The following PRKCB variants were observed in gnomAD, a reference collection of about 807,000 sequenced individuals.
The protein encoded by PRKCB is protein kinase C beta type.
In PRKCB, 13 loss-of-function variants were observed where a neutral mutation model predicts 81.5. That is an observed-to-expected ratio of 0.16 (90% CI 0.10 to 0.25). The LOEUF is 0.25. Ranked by LOEUF, PRKCB falls within the 10% of genes least tolerant of loss-of-function variation. PRKCB has a pLI of 1.00. For synonymous variants in PRKCB, 335 were observed against 321.4 expected, an observed-to-expected ratio of 1.04 and a Z score of -0.45; for missense variants, 509 against 875.7, an observed-to-expected ratio of 0.58 and a Z score of 5.29.
At chr16:24,177,923 C>G (rs149184562) in intron 12 of PRKCB, among the ~76,000 whole-genome samples, 143 of 152,074 alleles carry the variant, frequency 9.4e-4, no homozygotes, top group African/African-American at 3.4e-3. Flanking sequence ...TTGTTGCTCA[C>G]CATCGAGAAC....
At chr16:24,039,286 T>C (rs1486389877) in intron 5 of PRKCB, among the ~76,000 whole-genome samples, 40 of 152,228 alleles carry the variant, frequency 2.6e-4, no homozygotes, top group Admixed American at 2.5e-3. Flanking sequence ...TGGAGTGCAG[T>C]GGCATGATCT....
chr16:24,090,719 T>A (rs1966366010), intron 5 of PRKCB, among the ~76,000 whole-genome samples: 1 of 152,142 alleles, frequency 6.6e-6, no homozygotes, highest in South Asian at 2.1e-4. Context: ...ACTAATGAAT[T>A]GGAAAAATAG....
At chr16:24,191,873 A>G (rs1967798691) in intron 16 of PRKCB, among the ~76,000 whole-genome samples, 1 of 152,230 alleles carries the variant, frequency 6.6e-6, no homozygotes, top group Admixed American at 6.5e-5. Context: ...CCATGTACCA[A>G]CAGGAAGGTT....
chr16:24,198,217 T>G (rs1442750025), intron 16 of PRKCB, among the ~76,000 whole-genome samples: 2 of 152,222 alleles, frequency 1.3e-5, no homozygotes, highest in Non-Finnish European at 2.9e-5. Flanking sequence ...GGACAAGATA[T>G]GCTAGGTAAT....
intron 15 of PRKCB, among the ~76,000 whole-genome samples, chr16:24,187,694 GTTTTA>G (rs71154287): frequency 0.31 from 45,848 of 147,500 alleles, 7,157 homozygotes; most frequent in South Asian, 0.37. Flanking sequence ...GTTTTGTTTT[GTTTTA>G]TCAATGTCTC....
chr16:24,062,679 G>T (rs1596533240), intron 5 of PRKCB, among the ~76,000 whole-genome samples: 1 of 152,154 alleles, frequency 6.6e-6, no homozygotes, highest in Non-Finnish European at 1.5e-5. Context: ...TTCACCCTGT[G>T]CAGCCACATT....
chr16:23,941,689 A>G (rs1238092898), intron 2 of PRKCB, among the ~76,000 whole-genome samples: 2 of 152,224 alleles, frequency 1.3e-5, no homozygotes, highest in Non-Finnish European at 2.9e-5. Context: ...TAAAATTTCA[A>G]TATTTGTTCT....
intron 2 of PRKCB, among the ~76,000 whole-genome samples, chr16:23,853,391 T>A (rs1962506377): frequency 6.6e-6 from 1 of 152,188 alleles, no homozygotes; most frequent in Non-Finnish European, 1.5e-5. Flanking sequence ...GAAAGCACAC[T>A]CATTTCACAA....
At chr16:23,838,529 G>A (rs1962209275) in intron 2 of PRKCB, among the ~76,000 whole-genome samples, 1 of 152,204 alleles carries the variant, frequency 6.6e-6, no homozygotes, top group Admixed American at 6.5e-5. Context: ...GCACATTTCT[G>A]GGGTATTGTA....
In PRKCB at chr16:24,030,953, A is replaced by T. The variant is rs191603172; in HGVS notation, c.289-1183A>T. 1.9e-3 allele frequency among the ~76,000 whole-genome samples: 291 copies of T among 151,502 alleles called. 2 individuals carry two copies. Among genetic ancestry groups the T allele is most frequent in the African/African-American group, 6.8e-3 (281 of 41,274 alleles). ...GTTGCATGCACCTGTAGTCCCAGCT[A>T]CTCAAGAAGCTGAGGCAGGAGAATC... is the stretch of plus-strand genomic sequence containing the variant. On this transcript the variant is annotated intron_variant, in intron 3 of 16. Coordinates refer to ENST00000643927, the MANE Select transcript of PRKCB (RefSeq NM_002738.7).
chr16:23,867,063 TC>T, intron 2 of PRKCB, among the ~76,000 whole-genome samples: 6 of 92,656 alleles, frequency 6.5e-5, no homozygotes, highest in African/African-American at 1.7e-4. Context: ...TCTCTCTCTC[TC>T]TTTCTTTCTT....
chr16:23,998,427 C>T (rs530369407), intron 3 of PRKCB, among the ~76,000 whole-genome samples: 1 of 152,078 alleles, frequency 6.6e-6, no homozygotes, highest in Non-Finnish European at 1.5e-5. Context: ...GGCGTGAGTG[C>T]CCCTTCCATG....
chr16:24,218,813 C>G lies in PRKCB; in HGVS notation c.*3997C>G. On this transcript the variant is annotated 3_prime_UTR_variant, in exon 17 of 17. Transcript: ENST00000643927. The stretch of plus-strand genomic sequence containing the variant: ...GGAATGTGCAGGGCACTAGGGAATA[C>G]AAGGCCTTCTTCCCTGGTTGTCTTG... 1 of 985,412 alleles carries G rather than the reference C, an allele frequency of 1.0e-6. No individual in the cohort carries two copies. Among genetic ancestry groups the G allele is most frequent in the Non-Finnish European group, 1.2e-6 (1 of 829,944 alleles). 61.0% of individuals were successfully genotyped at this position (985,412 alleles called of 1,614,324 possible).
intron 16 of PRKCB, among the ~76,000 whole-genome samples, chr16:24,210,461 A>G (rs1164297979): frequency 6.6e-6 from 1 of 151,566 alleles, no homozygotes; most frequent in Non-Finnish European, 1.5e-5. Context: ...TCCAAGCTGA[A>G]AATGGCATCA....
chr16:24,082,711 A>G (rs1174606653), intron 5 of PRKCB, among the ~76,000 whole-genome samples: 1 of 152,222 alleles, frequency 6.6e-6, no homozygotes, highest in Non-Finnish European at 1.5e-5. Flanking sequence ...AATTAACTCA[A>G]AATGGGTCAT....
chr16:23,837,512 C>A, intron 2 of PRKCB, 106 bp downstream of exon 2: 2 of 1,375,064 alleles, frequency 1.5e-6, no homozygotes, highest in South Asian at 2.6e-5. Context: ...TCACGTTGGT[C>A]GGAGTGACCT....
At position 24,219,712 on chromosome 16, in the gene PRKCB, G is replaced by T; in HGVS notation, c.*4896G>T. On this transcript the variant is annotated 3_prime_UTR_variant, in exon 17 of 17. Coordinates refer to ENST00000643927, the MANE Select transcript of PRKCB (RefSeq NM_002738.7). The stretch of plus-strand genomic sequence containing the variant: ...CACACACACACACACACCACTTTAT[G>T]GCAATTCTTAACTGACATTCAATGA... The T allele has an allele frequency of 7.8e-7, 1 of 1,277,626 alleles. No homozygotes were observed. Among genetic ancestry groups the T allele is most frequent in the Non-Finnish European group, 9.9e-7 (1 of 1,008,678 alleles). 79.1% of individuals were successfully genotyped at this position (1,277,626 alleles called of 1,614,324 possible). A position where few individuals can be genotyped will look rare whatever the true frequency, so the allele number is the denominator to read the frequency against.
At chr16:24,127,467 G>A (rs927521608) in intron 9 of PRKCB, among the ~76,000 whole-genome samples, 5 of 151,614 alleles carry the variant, frequency 3.3e-5, no homozygotes, top group Non-Finnish European at 5.9e-5. Flanking sequence ...GTTAATTTGC[G>A]TCTTTCCAGT....
chr16:24,021,036 C>CTTTCTTTCTTTT (rs1965365591), intron 3 of PRKCB, among the ~76,000 whole-genome samples: 1 of 138,578 alleles, frequency 7.2e-6, no homozygotes, highest in Admixed American at 7.3e-5. Flanking sequence ...TTCTTTCTTT[C>CTTTCTTTCTTTT]TTTCTCTTTC....
Sources: allele counts gnomAD v4.1 joint callset (sites outside exome capture counted in the v4.1 genomes callset), GRCh38; gene constraint gnomAD v4.1.1; transcripts MANE v1.5; gene names NCBI Gene and HGNC (gene_info 2026-07-23, HGNC 2026-07-21).